Variants in CACNA2D1 observed in about 807,000 individuals in gnomAD.
CACNA2D1 encodes voltage-dependent calcium channel subunit alpha-2/delta-1.
Under a neutral mutation model 171.5 loss-of-function variants are expected in CACNA2D1, and 53 were observed. The ratio of observed to expected loss-of-function variants is 0.31; its 90% CI spans 0.25 to 0.39. The LOEUF is 0.39. Among genes scored for constraint, CACNA2D1 ranks in the 10% least tolerant of loss-of-function variants. The pLI is 1.00. For synonymous variants in CACNA2D1, 442 were observed against 443.1 expected, an observed-to-expected ratio of 1.00 and a Z score of 0.03; for missense variants, 903 against 1,299.8, an observed-to-expected ratio of 0.69 and a Z score of 4.69.
intron 7 of CACNA2D1, among the ~76,000 whole-genome samples, chr7:82,079,804 C>T (rs574916279): frequency 2.6e-5 from 4 of 150,970 alleles, no homozygotes; most frequent in African/African-American, 9.7e-5. Flanking sequence ...GGTCAAAGGA[C>T]GCATAATTAC....
At chr7:81,993,996 T>C in intron 20 of CACNA2D1, among the ~76,000 whole-genome samples, 1 of 152,054 alleles carries the variant, frequency 6.6e-6, no homozygotes, top group East Asian at 1.9e-4. Context: ...ATTATGATAT[T>C]AAAATGAGAA....
chr7:81,959,434 C>T lies in CACNA2D1; in HGVS notation c.3077-77G>A, dbSNP rs1232105665. The T allele has an allele frequency of 1.1e-5, 11 of 997,286 alleles. No homozygotes were observed. The Admixed American group carries it at 1.9e-4, about 17-fold the overall frequency. The allele number at this position is 997,286 out of a possible 1,614,324, so 61.8% of individuals were successfully genotyped here. A position where few individuals can be genotyped will look rare whatever the true frequency, so the allele number is the denominator to read the frequency against. On this transcript the variant is annotated intron_variant, in intron 37 of 38. Transcript: ENST00000356860. The stretch of plus-strand genomic sequence containing the variant: ...AAATAAATACAATGCAATGTATTTC[C>T]CAAAACATGTGAGAGAGATAACTTA...
intron 11 of CACNA2D1, among the ~76,000 whole-genome samples, chr7:82,035,635 C>G (rs957411631): frequency 2.0e-5 from 3 of 151,956 alleles, no homozygotes; most frequent in African/African-American, 7.3e-5. Context: ...AGTGAGGCTA[C>G]CTCTGAAATT....
chr7:82,422,973 G>A (rs1469012835), intron 1 of CACNA2D1, among the ~76,000 whole-genome samples: 1 of 152,002 alleles, frequency 6.6e-6, no homozygotes, highest in Non-Finnish European at 1.5e-5. Flanking sequence ...AAAAAGCTCT[G>A]CAATTCTCAC....
At chr7:82,104,086 T>C (rs570947057) in intron 6 of CACNA2D1, among the ~76,000 whole-genome samples, 3 of 152,158 alleles carry the variant, frequency 2.0e-5, no homozygotes, top group African/African-American at 7.2e-5. Context: ...AATACTGTAA[T>C]ATTTGTGCTA....
At chr7:82,145,755 CTAAA>C (rs939407262) in intron 4 of CACNA2D1, among the ~76,000 whole-genome samples, 3 of 149,838 alleles carry the variant, frequency 2.0e-5, no homozygotes, top group East Asian at 2.0e-4. Flanking sequence ...TGTACACCCT[CTAAA>C]TAGTTTACAT....
At chr7:82,429,297 T>C (rs1015395775) in intron 1 of CACNA2D1, among the ~76,000 whole-genome samples, 54 of 152,212 alleles carry the variant, frequency 3.5e-4, no homozygotes, top group African/African-American at 1.3e-3. Context: ...GTGTATTATA[T>C]GTATGCACAC....
chr7:82,086,863 C>T (rs1384391821), intron 6 of CACNA2D1, among the ~76,000 whole-genome samples: 2 of 152,070 alleles, frequency 1.3e-5, no homozygotes, highest in African/African-American at 2.4e-5. Flanking sequence ...TGGGTACTGA[C>T]ACACTGATTG....
At chr7:82,230,188 C>G (rs1246664205) in intron 3 of CACNA2D1, among the ~76,000 whole-genome samples, 6 of 152,184 alleles carry the variant, frequency 3.9e-5, no homozygotes, top group Non-Finnish European at 8.8e-5. Flanking sequence ...ACCACAGCCT[C>G]CCCAAAACAG....
At chr7:82,264,966 T>C (rs1158816466) in intron 3 of CACNA2D1, among the ~76,000 whole-genome samples, 2 of 152,318 alleles carry the variant, frequency 1.3e-5, no homozygotes, top group South Asian at 2.1e-4. Flanking sequence ...TTCATCATAA[T>C]ATCAGGCATG....
chr7:82,118,867 C>T (rs1489428387), intron 5 of CACNA2D1, among the ~76,000 whole-genome samples: 1 of 151,910 alleles, frequency 6.6e-6, no homozygotes, highest in Non-Finnish European at 1.5e-5. Flanking sequence ...TTCCATGGTT[C>T]TCCTTTTCTA....
chr7:82,196,275 C>A (rs889654552), intron 3 of CACNA2D1, among the ~76,000 whole-genome samples: 1 of 152,004 alleles, frequency 6.6e-6, no homozygotes, highest in Non-Finnish European at 1.5e-5. Context: ...TGGGGCCTAG[C>A]CAAAATTTCC....
At chr7:82,327,980 A>AAGCCCTGTTGGGTCCTATCTGAGACC (rs1236313174) in intron 3 of CACNA2D1, among the ~76,000 whole-genome samples, 34 of 152,000 alleles carry the variant, frequency 2.2e-4, no homozygotes, top group African/African-American at 8.0e-4. Context: ...TTGTTCCCGG[A>AAGCCCTGTTGGGTCCTATCTGAGACC]GGGAAGCCCT....
intron 24 of CACNA2D1, among the ~76,000 whole-genome samples, chr7:81,978,110 G>A (rs1271361523): frequency 6.6e-6 from 1 of 152,148 alleles, no homozygotes; most frequent in Non-Finnish European, 1.5e-5. Context: ...AGGATGTGGT[G>A]GAATAGGAAT....
chr7:82,197,135 A>T (rs948061421), intron 3 of CACNA2D1, among the ~76,000 whole-genome samples: 1 of 152,044 alleles, frequency 6.6e-6, no homozygotes, highest in Non-Finnish European at 1.5e-5. Context: ...CCAAGGTTAC[A>T]TCGTTGGATA....
At chr7:82,194,517 T>C (rs1192866601) in intron 3 of CACNA2D1, among the ~76,000 whole-genome samples, 7 of 151,964 alleles carry the variant, frequency 4.6e-5, no homozygotes, top group Non-Finnish European at 2.9e-5. Flanking sequence ...CTTTTCTTTA[T>C]ATCTTCACTT....
intron 12 of CACNA2D1, chr7:82,027,568 C>A: frequency 6.6e-6 from 1 of 151,692 alleles, no homozygotes; most frequent in East Asian, 1.9e-4. Context: ...TGTATAAGGT[C>A]TTCTATTGTA....
chr7:82,443,053 C>T (rs946534182), intron 1 of CACNA2D1, among the ~76,000 whole-genome samples: 1 of 152,236 alleles, frequency 6.6e-6, no homozygotes, highest in Non-Finnish European at 1.5e-5. Flanking sequence ...CCCAGTACGG[C>T]TGCACTCTGA....
chr7:82,062,729 C>CT (rs71520797), intron 9 of CACNA2D1, among the ~76,000 whole-genome samples: 718 of 52,194 alleles, frequency 0.014, 273 homozygotes, highest in Non-Finnish European at 0.018. Context: ...GGTATATCTC[C>CT]TTTTTTTTTT....
Sources: allele counts gnomAD v4.1 joint callset (sites outside exome capture counted in the v4.1 genomes callset), GRCh38; gene constraint gnomAD v4.1.1; transcripts MANE v1.5; gene names NCBI Gene and HGNC (gene_info 2026-07-23, HGNC 2026-07-21).